Variants in PDZD8 observed in about 807,000 individuals in gnomAD.
PDZD8 encodes PDZ domain-containing protein 8.
A neutral mutation model predicts 85.8 loss-of-function variants in PDZD8; 14 were observed. The observed-to-expected ratio is 0.16, with a 90% CI of 0.11 to 0.26. PDZD8 has a LOEUF of 0.26. PDZD8 is among the 10% of genes least tolerant of loss of function. The pLI is 1.00. For missense variants in PDZD8, 1,197 were observed against 1,424.3 expected (o/e 0.84, Z 2.57); for synonymous variants, 592 against 568.6 (o/e 1.04, Z -0.59).
rs543520969 is a variant in PDZD8, at chr10:117,283,124, A to C, written c.*144T>G. The stretch of plus-strand genomic sequence containing the variant: ...GCTGGTCATGTTTTTACTGGAAAAC[A>C]ACCTTTCTCATTTTTGTTCTTACAC... On this transcript the variant is annotated 3_prime_UTR_variant, in exon 5 of 5. Transcript: ENST00000334464. The C allele has an allele frequency of 3.8e-6, 3 of 783,616 alleles. No individual in the cohort carries two copies. The highest frequency in any genetic ancestry group is 2.4e-5 in the South Asian group (1 of 41,654). The allele number at this position is 783,616 out of a possible 1,614,324, so 48.5% of individuals were successfully genotyped here. A position where few individuals can be genotyped will look rare whatever the true frequency, so the allele number is the denominator to read the frequency against.
intron 2 of PDZD8, among the ~76,000 whole-genome samples, chr10:117,323,979 G>A (rs1197485727): frequency 6.6e-6 from 1 of 152,010 alleles, no homozygotes; most frequent in East Asian, 1.9e-4. Flanking sequence ...CGTAATCCCA[G>A]CACTTTGGGG....
In PDZD8 at chr10:117,313,038, G is replaced by A. The variant is rs1844064852; in HGVS notation, c.1098+5834C>T. Among the ~76,000 whole-genome samples the A allele has an allele frequency of 2.0e-5, 3 of 152,172 alleles. No individual in the cohort carries two copies. The South Asian group carries it at 6.2e-4, about 31-fold the overall frequency. ...AGAATCCTAGATCTCATATTTTAAA[G>A]TGTAGTTTGGATTTATTTCTTACAT... On this transcript the variant is annotated intron_variant, in intron 3 of 4. Coordinates refer to ENST00000334464, the MANE Select transcript of PDZD8 (RefSeq NM_173791.5).
At chr10:117,296,054 A>G (rs893659362) in intron 3 of PDZD8, among the ~76,000 whole-genome samples, 4 of 151,972 alleles carry the variant, frequency 2.6e-5, no homozygotes, top group Non-Finnish European at 4.4e-5. Flanking sequence ...TGCAGATACT[A>G]TGATCCTATA....
chr10:117,338,401 T>C (rs1206123696), intron 2 of PDZD8, among the ~76,000 whole-genome samples: 1 of 152,204 alleles, frequency 6.6e-6, no homozygotes, highest in Non-Finnish European at 1.5e-5. Flanking sequence ...AGGTGCTGGC[T>C]ATATAACCTA....
Position 117,283,963 on chromosome 10 carries a change from C to G in PDZD8, c.2770G>C (p.Ala924Pro). The change falls in exon 5 of 5, where the codon GCT (alanine) becomes CCT (proline). Residue 924 changes from alanine to proline, a missense_variant. Physicochemically the swap from Ala to Pro is conservative, Grantham distance 27. Transcript: ENST00000334464. ...LGLPPRVDAE[A>P]SKSVNKTTGL... is the part of the protein sequence containing the mutation. ...GTTGTTTTATTGACTGACTTGCTAG[C>G]TTCAGCATCAACACGAGGAGGCAGG... The G allele has an allele frequency of 6.2e-7, 1 of 1,614,208 alleles. No individual in the cohort carries two copies. Among genetic ancestry groups the G allele is most frequent in the Non-Finnish European group, 8.5e-7 (1 of 1,180,036 alleles).
At chr10:117,347,194 C>T (rs915893956) in intron 1 of PDZD8, among the ~76,000 whole-genome samples, 1 of 151,978 alleles carries the variant, frequency 6.6e-6, no homozygotes, top group African/African-American at 2.4e-5. Context: ...TTATACCCCG[C>T]CAGCATTAAC....
At chr10:117,343,828 G>GTTC (rs1328148798) in intron 1 of PDZD8, among the ~76,000 whole-genome samples, 2 of 152,148 alleles carry the variant, frequency 1.3e-5, no homozygotes, top group Admixed American at 6.5e-5. Context: ...GCATGAACAT[G>GTTC]TTCGGCAAGC....
intron 3 of PDZD8, among the ~76,000 whole-genome samples, chr10:117,307,705 C>T (rs188994957): frequency 2.6e-5 from 4 of 152,096 alleles, no homozygotes; most frequent in African/African-American, 4.8e-5. Context: ...ATGGGAAACA[C>T]GGCTGTTCCC....
In PDZD8 at chr10:117,277,906, T is replaced by G. The variant is rs1180235220; in HGVS notation, c.*5362A>C. ...CACCTACCTAGAGAGAGTTGTAAAT[T>G]ATATGTTAACATGTTATCTGGTTGG... On this transcript the variant is annotated 3_prime_UTR_variant, in exon 5 of 5. Transcript: ENST00000334464. The G allele has an allele frequency of 2.6e-5, 4 of 152,200 alleles. No individual in the cohort carries two copies. The highest frequency in any genetic ancestry group is 5.9e-5 in the Non-Finnish European group (4 of 68,022). 9.4% of individuals were successfully genotyped at this position (152,200 alleles called of 1,614,324 possible).
At chr10:117,335,989 T>C (rs994273514) in intron 2 of PDZD8, among the ~76,000 whole-genome samples, 8 of 152,224 alleles carry the variant, frequency 5.3e-5, no homozygotes, top group Non-Finnish European at 1.0e-4. Context: ...TTGCACATTC[T>C]TTATCCAAAA....
At chr10:117,352,529 T>C (rs1403064526) in intron 1 of PDZD8, among the ~76,000 whole-genome samples, 1 of 152,224 alleles carries the variant, frequency 6.6e-6, no homozygotes, top group Non-Finnish European at 1.5e-5. Flanking sequence ...TACATATAGA[T>C]TGTTGTCCCA....
chr10:117,316,374 T>C (rs1044790150), intron 3 of PDZD8, among the ~76,000 whole-genome samples: 6 of 152,070 alleles, frequency 3.9e-5, no homozygotes, highest in African/African-American at 1.4e-4. Flanking sequence ...AAAATTCCCT[T>C]AAAAATAAAA....
Position 117,284,387 on chromosome 10 carries a change from G to A in PDZD8, c.2346C>T (p.Asp782=), listed in dbSNP as rs1182726435. The A allele has an allele frequency of 2.5e-6, 4 of 1,614,008 alleles. No individual in the cohort carries two copies. In the East Asian group the frequency reaches 6.7e-5, roughly 27 times the overall value. ...RNLSMQKGFN[D]KFCYGDITIH... The stretch of plus-strand genomic sequence containing the variant: ...TAGTAATGTCACCATAGCAAAATTT[G>A]TCATTGAATCCCTTTTGCATACTCA... Residue 782 remains aspartate (D), a synonymous_variant, in exon 5 of 5, where the codon GAC becomes GAT. Coordinates refer to ENST00000334464, the MANE Select transcript of PDZD8 (RefSeq NM_173791.5).
intron 1 of PDZD8, among the ~76,000 whole-genome samples, chr10:117,353,639 G>A (rs1405487082): frequency 6.6e-6 from 1 of 151,362 alleles, no homozygotes; most frequent in East Asian, 1.9e-4. Context: ...TTTAAAAAAA[G>A]ACATATTGAT....
intron 1 of PDZD8, among the ~76,000 whole-genome samples, chr10:117,355,088 AT>A (rs948935490): frequency 1.3e-5 from 2 of 152,184 alleles, no homozygotes; most frequent in African/African-American, 4.8e-5. Flanking sequence ...TAAATTTCAA[AT>A]TTTCAATTTT....
At chr10:117,287,376 T>C (rs992942023) in intron 4 of PDZD8, among the ~76,000 whole-genome samples, 1 of 152,174 alleles carries the variant, frequency 6.6e-6, no homozygotes, top group African/African-American at 2.4e-5. Context: ...CCCTGGTAAA[T>C]TACAGCCACT....
intron 1 of PDZD8, among the ~76,000 whole-genome samples, chr10:117,359,391 G>C (rs1468602729): frequency 6.6e-6 from 1 of 151,742 alleles, no homozygotes; most frequent in East Asian, 1.9e-4. Context: ...ACTCCAGCCT[G>C]GGTGACAGAG....
chr10:117,307,137 C>T (rs1003371411), intron 3 of PDZD8, among the ~76,000 whole-genome samples: 1 of 152,058 alleles, frequency 6.6e-6, no homozygotes, highest in African/African-American at 2.4e-5. Flanking sequence ...CGTATGTGAG[C>T]AATGGGTGTA....
chr10:117,345,189 TG>T (rs1323569858), intron 1 of PDZD8, among the ~76,000 whole-genome samples: 4 of 152,210 alleles, frequency 2.6e-5, no homozygotes, highest in Non-Finnish European at 5.9e-5. Flanking sequence ...TACAATAGTC[TG>T]TGAAGAAGCT....
Sources: allele counts gnomAD v4.1 joint callset (sites outside exome capture counted in the v4.1 genomes callset), GRCh38; gene constraint gnomAD v4.1.1; transcripts MANE v1.5; gene names NCBI Gene and HGNC (gene_info 2026-07-23, HGNC 2026-07-21).